ST3GAL1: variants seen among roughly 807,000 people sequenced by gnomAD.
ST3GAL1 encodes the protein ST3 beta-galactoside alpha-2,3-sialyltransferase 1, also known as CMP-N-acetylneuraminate-beta-galactosamide-alpha-2,3-sialyltransferase 1.
Under a neutral mutation model 34.1 loss-of-function variants are expected in ST3GAL1, and 16 were observed. The ratio of observed to expected loss-of-function variants is 0.47; its 90% CI spans 0.32 to 0.71. The LOEUF is 0.71. Among genes scored for constraint, ST3GAL1 ranks in the 30% least tolerant of loss-of-function variants. The pLI is 0.04. For missense variants in ST3GAL1, 353 were observed against 447.4 expected (o/e 0.79, Z 1.90); for synonymous variants, 191 against 184.7 (o/e 1.03, Z -0.28).
chr8:133,490,896 T>C (rs1563710913), intron 3 of ST3GAL1, among the ~76,000 whole-genome samples: 1 of 152,162 alleles, frequency 6.6e-6, no homozygotes, highest in Non-Finnish European at 1.5e-5. Flanking sequence ...GAGCATGACT[T>C]GGGAAGTCCG....
Position 133,459,839 on chromosome 8 carries a change from G to A in ST3GAL1, c.948C>T (p.His316=), listed in dbSNP as rs968852440. 6.8e-6 allele frequency: 11 copies of A among 1,613,990 alleles called. 1 individual carries two copies. The highest frequency in any genetic ancestry group is 2.2e-5 in the South Asian group (2 of 91,076). Reference sequence around the variant, plus strand: ...TCACGTTAGACTCAAAGTCTGCATCGTGCACCCCCGTCTTGCGAAAAGCCC... The same window carrying A: ...TCACGTTAGACTCAAAGTCTGCATCATGCACCCCCGTCTTGCGAAAAGCCC... ...SAGAFRKTGV[H]DADFESNVTA... is the part of the protein sequence containing the mutation. Residue 316 remains histidine (H), a synonymous_variant, in exon 10 of 10, where the codon CAC becomes CAT. Transcript: ENST00000522652. This position sits in a 1 kb window ranked among gnomAD's most constrained non-coding sequence, Gnocchi z 4.7.
At chr8:133,523,862 T>A (rs1483960013) in intron 2 of ST3GAL1, among the ~76,000 whole-genome samples, 1 of 152,194 alleles carries the variant, frequency 6.6e-6, no homozygotes, top group Non-Finnish European at 1.5e-5. Context: ...GCCAATGGAA[T>A]GTGGGAAGAA....
intron 2 of ST3GAL1, among the ~76,000 whole-genome samples, chr8:133,542,665 C>T (rs1818565938): frequency 6.6e-6 from 1 of 151,510 alleles, no homozygotes; most frequent in South Asian, 2.1e-4. Flanking sequence ...ATCCCAGATA[C>T]TCAGGAGGCT....
In ST3GAL1 at chr8:133,522,025, C is replaced by A. The variant is rs979930611; in HGVS notation, c.-428-22836G>T. ...GAAACTTCCAAACTTCCAAACAAAA[C>A]AAAACAAAAACCTTAAAAATGGTGG... is the stretch of plus-strand genomic sequence containing the variant. On this transcript the variant is annotated intron_variant, in intron 2 of 9. Coordinates refer to ENST00000522652, the MANE Select transcript of ST3GAL1 (RefSeq NM_173344.3). Among the ~76,000 whole-genome samples the A allele has an allele frequency of 2.0e-5, 3 of 152,180 alleles. No individual in the cohort carries two copies. In the East Asian group the frequency reaches 5.8e-4, roughly 29 times the overall value.
At chr8:133,512,377 C>T (rs907307147) in intron 2 of ST3GAL1, among the ~76,000 whole-genome samples, 3 of 152,168 alleles carry the variant, frequency 2.0e-5, no homozygotes, top group African/African-American at 4.8e-5. Context: ...AGTCCTTCCA[C>T]GTTCCTCTGC....
rs2130991435 is a variant in ST3GAL1 at position 133,499,166 on chromosome 8, C to T, written c.-405G>A. 1 of 152,382 alleles carries T rather than the reference C, an allele frequency of 6.6e-6. No homozygotes were observed. Among genetic ancestry groups the T allele is most frequent in the Non-Finnish European group, 1.5e-5 (1 of 68,076 alleles). 9.4% of individuals were successfully genotyped at this position (152,382 alleles called of 1,614,324 possible). The stretch of plus-strand genomic sequence containing the variant: ...TGTGACCTCAGTGGAGTCTCTTAAC[C>T]TCTCTGAACCTCAGTTTCTTCATCT... On this transcript the variant is annotated 5_prime_UTR_variant, in exon 3 of 10. Transcript: ENST00000522652.
chr8:133,526,509 G>T (rs1238950698), intron 2 of ST3GAL1, among the ~76,000 whole-genome samples: 5 of 152,164 alleles, frequency 3.3e-5, no homozygotes, highest in Non-Finnish European at 5.9e-5. Flanking sequence ...TGTCTCCATA[G>T]AAAAGGACAT....
intron 3 of ST3GAL1, among the ~76,000 whole-genome samples, chr8:133,477,638 G>A (rs1027101177): frequency 1.3e-5 from 2 of 152,034 alleles, no homozygotes; most frequent in African/African-American, 4.8e-5. Context: ...AGCAAGGGGG[G>A]AGTATTCTTT....
intron 1 of ST3GAL1, among the ~76,000 whole-genome samples, chr8:133,549,279 G>A (rs1276035740): frequency 2.6e-5 from 4 of 152,050 alleles, no homozygotes; most frequent in African/African-American, 9.7e-5. Context: ...GCACACGCCT[G>A]TAATCCCAGC....
At chr8:133,484,025 C>T (rs527921501) in intron 3 of ST3GAL1, among the ~76,000 whole-genome samples, 19 of 152,318 alleles carry the variant, frequency 1.2e-4, no homozygotes, top group Non-Finnish European at 2.2e-4. Context: ...TCACAACCTC[C>T]GACTGCCAGT....
At chr8:133,539,714 C>T (rs1293433876) in intron 2 of ST3GAL1, 1 of 152,000 alleles carries the variant, frequency 6.6e-6, no homozygotes, top group Non-Finnish European at 1.5e-5. Flanking sequence ...CTGAGTGGCA[C>T]AGCAAAACAC....
intron 2 of ST3GAL1, among the ~76,000 whole-genome samples, chr8:133,531,368 C>G (rs536828578): frequency 6.6e-6 from 1 of 152,194 alleles, no homozygotes; most frequent in South Asian, 2.1e-4. Context: ...GATACATAAC[C>G]TGTATAGCGT....
intron 3 of ST3GAL1, among the ~76,000 whole-genome samples, chr8:133,490,899 G>A (rs760328): frequency 0.95 from 144,212 of 152,190 alleles, 68,360 homozygotes; most frequent in East Asian, 1. Context: ...CATGACTTGG[G>A]AAGTCCGTTT....
In ST3GAL1 at chr8:133,508,350, A is replaced by G. The variant is rs1817403818; in HGVS notation, c.-428-9161T>C. Among the ~76,000 whole-genome samples, 1 of 152,048 alleles carries G rather than the reference A, an allele frequency of 6.6e-6. No individual in the cohort carries two copies. Among genetic ancestry groups the G allele is most frequent in the Non-Finnish European group, 1.5e-5 (1 of 68,010 alleles). On this transcript the variant is annotated intron_variant, in intron 2 of 9. Transcript: ENST00000522652. This position sits in a 1 kb window ranked among gnomAD's most constrained non-coding sequence, Gnocchi z 4.1. ...CAGGCCAAATTTTCAGGTTTGTGGGACAGCCTCATGGTACAGTTTGTGCTC... is the reference window on the plus strand; with the variant it reads ...CAGGCCAAATTTTCAGGTTTGTGGGGCAGCCTCATGGTACAGTTTGTGCTC...
At chr8:133,566,361 C>T (rs1288882280) in intron 1 of ST3GAL1, among the ~76,000 whole-genome samples, 1 of 152,212 alleles carries the variant, frequency 6.6e-6, no homozygotes, top group Non-Finnish European at 1.5e-5. Flanking sequence ...CCAAAACTTC[C>T]TGCCTTCAGT....
chr8:133,523,193 G>A (rs1423552806), intron 2 of ST3GAL1, among the ~76,000 whole-genome samples: 1 of 151,862 alleles, frequency 6.6e-6, no homozygotes, highest in African/African-American at 2.4e-5. Context: ...AGGGGAAGTG[G>A]GTCCTAACTC....
intron 7 of ST3GAL1, 70 bp from the exon 8 acceptor site, chr8:133,463,529 T>G: frequency 1.9e-5 from 29 of 1,519,420 alleles, no homozygotes; most frequent in Non-Finnish European, 2.5e-5. Flanking sequence ...CATGCAGCTC[T>G]GGGGGTAGTG....
chr8:133,540,898 T>TATATATAGAGACATATATATAGAC (rs1818471798), intron 2 of ST3GAL1, among the ~76,000 whole-genome samples: 1 of 92,510 alleles, frequency 1.1e-5, no homozygotes, highest in African/African-American at 5.2e-5. Context: ...TATATAGACA[T>TATATATAGAGACATATATATAGAC]ATATATAGAC....
intron 3 of ST3GAL1, chr8:133,487,999 ATCTTCGTCCTTGC>A (rs1290673646): frequency 6.7e-6 from 1 of 150,222 alleles, no homozygotes; most frequent in Non-Finnish European, 1.5e-5. Context: ...AAGTAGAATG[ATCTTCGTCCTTGC>A]TCACTGAAAG....
Sources: gnomAD v4.1 joint callset for allele counts (sites outside exome capture counted in the v4.1 genomes callset) on GRCh38, gnomAD v4.1.1 for gene constraint, Gnocchi (gnomAD v3.1) non-coding constraint, MANE v1.5 for transcripts, NCBI Gene and HGNC (gene_info 2026-07-23, HGNC 2026-07-21) for gene names.